The following PDE4D variants were observed in gnomAD, a reference collection of about 807,000 sequenced individuals.
PDE4D encodes the protein 3',5'-cyclic-AMP phosphodiesterase 4D.
Under a neutral mutation model 87.4 loss-of-function variants are expected in PDE4D, and 24 were observed. That is an observed-to-expected ratio of 0.27 (90% CI 0.20 to 0.39). The LOEUF is 0.39. PDE4D is among the 10% of genes least tolerant of loss of function. PDE4D has a pLI of 1.00. For synonymous variants in PDE4D, 384 were observed against 383.2 expected (o/e 1.00, Z -0.02); for missense variants, 714 against 1,041.0 (o/e 0.69, Z 4.32).
At chr5:59,232,447 C>T (rs1755427151) in intron 1 of PDE4D, among the ~76,000 whole-genome samples, 1 of 148,858 alleles carries the variant, frequency 6.7e-6, no homozygotes, top group Non-Finnish European at 1.5e-5. Context: ...TACTAATCAT[C>T]AGGGAACTAT....
At chr5:58,995,791 T>C (rs968886539) in intron 6 of PDE4D, among the ~76,000 whole-genome samples, 1 of 152,200 alleles carries the variant, frequency 6.6e-6, no homozygotes, top group African/African-American at 2.4e-5. Context: ...TGGAATAGCA[T>C]TAGTATGGGA....
At chr5:59,586,045 T>C (rs1454589922) in intron 1 of PDE4D, among the ~76,000 whole-genome samples, 1 of 152,234 alleles carries the variant, frequency 6.6e-6, no homozygotes, top group Non-Finnish European at 1.5e-5. Flanking sequence ...AAAAAATTTA[T>C]TAAATTGTTG....
intron 11 of PDE4D, among the ~76,000 whole-genome samples, chr5:58,982,199 A>C (rs892535673): frequency 1.4e-4 from 22 of 152,244 alleles, no homozygotes; most frequent in Non-Finnish European, 3.2e-4. Flanking sequence ...TGATTCCTGG[A>C]CCCATGAATT....
chr5:59,798,577 A>G (rs1244834985), intron 1 of PDE4D, among the ~76,000 whole-genome samples: 1 of 152,164 alleles, frequency 6.6e-6, no homozygotes, highest in Non-Finnish European at 1.5e-5. Context: ...ACGGAAGGGT[A>G]GGAATGAAAG....
At chr5:59,859,302 C>G (rs773658920) in intron 1 of PDE4D, among the ~76,000 whole-genome samples, 1 of 152,136 alleles carries the variant, frequency 6.6e-6, no homozygotes, top group Non-Finnish European at 1.5e-5. Context: ...TCCTAAAGGA[C>G]AGTTCGCTAT....
At position 59,906,799 on chromosome 5, in the gene PDE4D, A is replaced by G. The variant is rs138821059; in HGVS notation, c.272+81689T>C. The stretch of plus-strand genomic sequence containing the variant: ...GTTGATGGGAGTGTAAATTAGTTCA[A>G]CCATTGTAGGAAGCAGTGTGATGGT... On this transcript the variant is annotated intron_variant, in intron 3 of 16. Transcript: ENST00000502484. 7.7e-3 allele frequency among the ~76,000 whole-genome samples: 1,179 copies of G among 152,236 alleles called. 29 individuals carry two copies. The highest frequency in any genetic ancestry group is 0.076 in the East Asian group (393 of 5,174).
chr5:60,148,861 A>T (rs988739699), intron 2 of PDE4D, among the ~76,000 whole-genome samples: 2 of 152,200 alleles, frequency 1.3e-5, no homozygotes, highest in African/African-American at 4.8e-5. Context: ...ACTTGCAAAA[A>T]ATTCCTGTAT....
chr5:60,315,386 G>A (rs1755469494), intron 1 of PDE4D, among the ~76,000 whole-genome samples: 1 of 152,112 alleles, frequency 6.6e-6, no homozygotes, highest in African/African-American at 2.4e-5. Flanking sequence ...CTGGATATTA[G>A]CCCTTTGTCA....
intron 1 of PDE4D, among the ~76,000 whole-genome samples, chr5:59,873,509 T>C (rs192290150): frequency 8.5e-5 from 13 of 152,254 alleles, no homozygotes; most frequent in Non-Finnish European, 5.9e-5. Context: ...AGGCTTTCCT[T>C]CTCCAAGGCT....
Position 60,380,423 on chromosome 5 carries a change from G to A in PDE4D, c.-90+107519C>T, listed in dbSNP as rs75652028. On this transcript the variant is annotated intron_variant, in intron 1 of 16. Transcript: ENST00000502484. ...TCACTTACTTTAGACAATAAAATGG[G>A]AATACATAGTATATGCACCACTTTC... Among the ~76,000 whole-genome samples the A allele has an allele frequency of 5.1e-3, 783 of 152,256 alleles. 8 individuals carry two copies. Among genetic ancestry groups the A allele is most frequent in the African/African-American group, 0.018 (763 of 41,554 alleles).
At chr5:59,418,693 G>A (rs1794028535) in intron 1 of PDE4D, among the ~76,000 whole-genome samples, 1 of 152,102 alleles carries the variant, frequency 6.6e-6, no homozygotes, top group Non-Finnish European at 1.5e-5. Context: ...CTGTCTCCCA[G>A]GGTGGAGTGC....
chr5:59,504,477 A>T (rs1190997684), intron 1 of PDE4D, among the ~76,000 whole-genome samples: 1 of 152,208 alleles, frequency 6.6e-6, no homozygotes, highest in African/African-American at 2.4e-5. Flanking sequence ...GCTTTAAAAA[A>T]GTTACCCTAG....
At chr5:59,276,547 T>A (rs1348247874) in intron 1 of PDE4D, among the ~76,000 whole-genome samples, 1 of 152,138 alleles carries the variant, frequency 6.6e-6, no homozygotes, top group Non-Finnish European at 1.5e-5. Flanking sequence ...GTTGTAGAGA[T>A]GTAAATTACC....
At chr5:59,279,684 G>A (rs989961698) in intron 1 of PDE4D, among the ~76,000 whole-genome samples, 2 of 151,940 alleles carry the variant, frequency 1.3e-5, no homozygotes, top group African/African-American at 4.8e-5. Flanking sequence ...AAGTAGATGT[G>A]ATAATAATAA....
At chr5:60,286,768 G>A (rs10514890) in intron 1 of PDE4D, among the ~76,000 whole-genome samples, 15,819 of 152,204 alleles carry the variant, frequency 0.1, 1,064 homozygotes, top group South Asian at 0.29. Flanking sequence ...AGATAGGTAG[G>A]AATGAACTTA....
intron 1 of PDE4D, among the ~76,000 whole-genome samples, chr5:60,229,133 T>C (rs181560088): frequency 2.6e-5 from 4 of 152,216 alleles, no homozygotes; most frequent in South Asian, 4.1e-4. Flanking sequence ...AGCCAAGCAT[T>C]GGAAAGCTGA....
intron 1 of PDE4D, among the ~76,000 whole-genome samples, chr5:59,595,049 T>C (rs1826472031): frequency 6.6e-6 from 1 of 152,140 alleles, no homozygotes; most frequent in African/African-American, 2.4e-5. Context: ...CTTTAAAAAA[T>C]AAAGTTTTTA....
intron 1 of PDE4D, among the ~76,000 whole-genome samples, chr5:59,422,228 G>A (rs1260728151): frequency 6.6e-6 from 1 of 152,126 alleles, no homozygotes; most frequent in Non-Finnish European, 1.5e-5. Context: ...ATTCCATCTT[G>A]TCTGAGGAGC....
chr5:60,235,268 TAAA>T (rs1746296735), intron 1 of PDE4D, among the ~76,000 whole-genome samples: 1 of 151,906 alleles, frequency 6.6e-6, no homozygotes, highest in Non-Finnish European at 1.5e-5. Flanking sequence ...GACTTATTTA[TAAA>T]TTGTAAATCA....
Sources: gnomAD v4.1 joint callset for allele counts (sites outside exome capture counted in the v4.1 genomes callset) on GRCh38, gnomAD v4.1.1 for gene constraint, MANE v1.5 for transcripts, NCBI Gene and HGNC (gene_info 2026-07-23, HGNC 2026-07-21) for gene names.